The following RIC3 variants were observed in gnomAD, a reference collection of about 807,000 sequenced individuals.
RIC3 encodes the protein protein RIC-3.
RIC3 carries 28 observed loss-of-function variants against 27.3 expected under a neutral mutation model. The ratio of observed to expected loss-of-function variants is 1.02; its 90% confidence interval spans 0.76 to 1.41. RIC3 has a LOEUF of 1.41. RIC3 is among the 40% of genes most tolerant of loss of function. RIC3 has a pLI of 0.00. For synonymous variants in RIC3, 184 were observed against 160.4 expected (o/e 1.15, Z -1.11); for missense variants, 501 against 444.7 (o/e 1.13, Z -1.14).
intron 1 of RIC3, among the ~76,000 whole-genome samples, chr11:8,142,034 G>C (rs1321423655): frequency 6.6e-6 from 1 of 150,512 alleles, no homozygotes; most frequent in Admixed American, 6.6e-5. Context: ...GCAGTGTGTA[G>C]AGGGAAATTT....
chr11:8,143,082 G>A lies in RIC3; in HGVS notation c.125-2889C>T, dbSNP rs1213498724. On this transcript the variant is annotated intron_variant, in intron 1 of 5. Transcript: ENST00000309737. Reference sequence around the variant, plus strand: ...CCATAGCCAATATCATACTGAATGGGCAAAAACTGGAAGCATTCCCTTTGA... The same window carrying A: ...CCATAGCCAATATCATACTGAATGGACAAAAACTGGAAGCATTCCCTTTGA... Among the ~76,000 whole-genome samples, 19 of 110,074 alleles carry A rather than the reference G, an allele frequency of 1.7e-4. 2 individuals are homozygous for A. Among genetic ancestry groups the A allele is most frequent in the African/African-American group, 8.6e-4 (18 of 20,906 alleles). 72.2% of individuals were successfully genotyped at this position (110,074 alleles called of 152,430 possible). A position where few individuals can be genotyped will look rare whatever the true frequency, so the allele number is the denominator to read the frequency against.
chr11:8,113,763 G>A (rs1314519026), intron 5 of RIC3, among the ~76,000 whole-genome samples: 1 of 152,048 alleles, frequency 6.6e-6, no homozygotes, highest in Admixed American at 6.6e-5. Flanking sequence ...GAGGCCTGTG[G>A]CCCCAGGACC....
At chr11:8,135,257 T>C (rs1948249743) in intron 4 of RIC3, among the ~76,000 whole-genome samples, 1 of 152,364 alleles carries the variant, frequency 6.6e-6, no homozygotes, top group South Asian at 2.1e-4. Flanking sequence ...CCCCATTTCT[T>C]GTTTTTGTCA....
intron 2 of RIC3, chr11:8,139,636 A>ATTTTTTTT (rs72265360): frequency 2.2e-5 from 2 of 92,718 alleles, no homozygotes; most frequent in Admixed American, 1.3e-4. Context: ...AAAGATGTTA[A>ATTTTTTTT]TTTTTTTTTT....
At chr11:8,125,293 T>A (rs1404392946) in intron 5 of RIC3, among the ~76,000 whole-genome samples, 1 of 151,442 alleles carries the variant, frequency 6.6e-6, no homozygotes, top group African/African-American at 2.4e-5. Flanking sequence ...AAAAAATGGT[T>A]AAGTTGGACT....
rs1342698584 is a variant in RIC3, at chr11:8,109,342, TC to T, written c.*1355del. On this transcript the variant is annotated 3_prime_UTR_variant, in exon 6 of 6. Transcript: ENST00000309737. Reference sequence around the variant, plus strand: ...GAATGTCTTTGGGAATGTGCCCTCTTCGAACTCTCAGGTCTTACATGTAAAC... The same window carrying T: ...GAATGTCTTTGGGAATGTGCCCTCTTGAACTCTCAGGTCTTACATGTAAAC... 6.6e-6 allele frequency: 1 copy of T among 152,224 alleles called. No individual in the cohort carries two copies. Among genetic ancestry groups the T allele is most frequent in the Non-Finnish European group, 1.5e-5 (1 of 68,038 alleles). The allele number at this position is 152,224 out of a possible 1,614,324, so 9.4% of individuals were successfully genotyped here.
intron 1 of RIC3, among the ~76,000 whole-genome samples, chr11:8,140,988 T>A: frequency 7.0e-6 from 1 of 143,230 alleles, no homozygotes; most frequent in African/African-American, 2.6e-5. Flanking sequence ...TGCTGAGAGA[T>A]TTTGTCACCA....
intron 1 of RIC3, among the ~76,000 whole-genome samples, chr11:8,150,738 C>T (rs1213441470): frequency 6.6e-6 from 1 of 152,146 alleles, no homozygotes; most frequent in African/African-American, 2.4e-5. Flanking sequence ...ACTGAGAAGC[C>T]TGGAAACACA....
the RIC3 span, chr11:8,095,458 C>T: frequency 3.8e-6 from 6 of 1,570,818 alleles, no homozygotes; most frequent in East Asian, 2.3e-5. Context: ...CCCTCCTCTC[C>T]TCCTCCTGGA....
intron 2 of RIC3, 64 bp downstream of exon 2, chr11:8,139,903 C>G (rs752668501): frequency 4.2e-6 from 6 of 1,411,796 alleles, no homozygotes; most frequent in Admixed American, 1.9e-5. Flanking sequence ...TTAATGTAGA[C>G]AATGATTTTT....
intron 1 of RIC3, among the ~76,000 whole-genome samples, chr11:8,161,589 C>G (rs1195882428): frequency 6.6e-6 from 1 of 152,152 alleles, no homozygotes; most frequent in Non-Finnish European, 1.5e-5. Context: ...TATATTCTTT[C>G]TACCCACAGC....
chr11:8,151,564 C>T (rs1420697357), intron 1 of RIC3, among the ~76,000 whole-genome samples: 5 of 108,416 alleles, frequency 4.6e-5, no homozygotes, highest in Non-Finnish European at 8.9e-5. Flanking sequence ...CCAGCCTGGG[C>T]GACAGAGTGA....
chr11:8,142,474 C>G (rs1394063022), intron 1 of RIC3, among the ~76,000 whole-genome samples: 2 of 150,280 alleles, frequency 1.3e-5, no homozygotes, highest in East Asian at 3.9e-4. Flanking sequence ...AAGACTAAAC[C>G]AGGAAGAAGT....
At chr11:8,104,060 C>A (rs1055051460), downstream of RIC3, 10 of 152,232 alleles carry the variant, frequency 6.6e-5, no homozygotes, top group African/African-American at 9.6e-5. Flanking sequence ...TCCTGGTGAT[C>A]CTGGTTTTCC....
chr11:8,167,721 TATC>T (rs1951836730), intron 1 of RIC3, among the ~76,000 whole-genome samples: 1 of 148,796 alleles, frequency 6.7e-6, no homozygotes, highest in Non-Finnish European at 1.5e-5. Context: ...AAGTAGACAA[TATC>T]ATTAGACAAA....
At chr11:8,153,299 C>A (rs921390156) in intron 1 of RIC3, 8 of 363,194 alleles carry the variant, frequency 2.2e-5, no homozygotes, top group African/African-American at 1.7e-4. Flanking sequence ...ATTAGAATGA[C>A]AAATAGAACA....
Position 8,110,043 on chromosome 11 carries a change from G to A in RIC3, c.*655C>T, listed in dbSNP as rs1945069576. The A allele has an allele frequency of 6.3e-6, 1 of 157,614 alleles. No homozygotes were observed. The allele number at this position is 157,614 out of a possible 1,614,324, so 9.8% of individuals were successfully genotyped here. A position where few individuals can be genotyped will look rare whatever the true frequency, so the allele number is the denominator to read the frequency against. On this transcript the variant is annotated 3_prime_UTR_variant, in exon 6 of 6. Coordinates refer to ENST00000309737, the MANE Select transcript of RIC3 (RefSeq NM_001206671.4). Reference sequence around the variant, plus strand: ...ATCCAGGTAGTATCAGAGTAAAACAGTCCCCAAACAAGCCTCTGGGCTCAT... The same window carrying A: ...ATCCAGGTAGTATCAGAGTAAAACAATCCCCAAACAAGCCTCTGGGCTCAT...
At chr11:8,125,084 T>C (rs1436960186) in intron 5 of RIC3, among the ~76,000 whole-genome samples, 1 of 151,914 alleles carries the variant, frequency 6.6e-6, no homozygotes, top group African/African-American at 2.4e-5. Context: ...AAACCCCGTC[T>C]CTACTAAAAA....
At chr11:8,111,586 CTT>C (rs1016921839) in intron 5 of RIC3, among the ~76,000 whole-genome samples, 6 of 152,132 alleles carry the variant, frequency 3.9e-5, no homozygotes, top group Non-Finnish European at 7.4e-5. Flanking sequence ...ATGCTAAGCT[CTT>C]TGAAAAATAC....
Sources: allele counts gnomAD v4.1 joint callset (sites outside exome capture counted in the v4.1 genomes callset), GRCh38; gene constraint gnomAD v4.1.1; transcripts MANE v1.5; gene names NCBI Gene and HGNC (gene_info 2026-07-23, HGNC 2026-07-21).